PARP8: variants seen among roughly 807,000 people sequenced by gnomAD.
PARP8 encodes the protein protein mono-ADP-ribosyltransferase PARP8.
In PARP8, 51 loss-of-function variants were observed where a neutral mutation model predicts 124.1. That is an observed-to-expected ratio of 0.41 (90% CI 0.33 to 0.52). The LOEUF is 0.52. Ranked by LOEUF, PARP8 falls within the 20% of genes least tolerant of loss-of-function variation. PARP8 has a pLI of 0.21. For synonymous variants in PARP8, 391 were observed against 361.5 expected (o/e 1.08, Z -0.93); for missense variants, 860 against 1,018.9 (o/e 0.84, Z 2.12).
chr5:50,771,329 T>C (rs993823854), intron 7 of PARP8, among the ~76,000 whole-genome samples: 1 of 152,120 alleles, frequency 6.6e-6, no homozygotes, highest in Admixed American at 6.5e-5. Context: ...CTGGCTAATT[T>C]TGTATTTTCA....
chr5:50,842,275 G>A lies in PARP8; in HGVS notation c.*207G>A, dbSNP rs1748259072. ...ATCAATTGTAGGGTTATGGAATCTA[G>A]TAATAAAATTTCAACAGCACTTAAA... is the stretch of plus-strand genomic sequence containing the variant. On this transcript the variant is annotated 3_prime_UTR_variant, in exon 26 of 26. Transcript: ENST00000281631. 1 of 370,570 alleles carries A rather than the reference G, an allele frequency of 2.7e-6. No homozygotes were observed. The highest frequency in any genetic ancestry group is 2.2e-5 in the African/African-American group (1 of 46,188). 23.0% of individuals were successfully genotyped at this position (370,570 alleles called of 1,614,324 possible).
intron 2 of PARP8, among the ~76,000 whole-genome samples, chr5:50,702,515 A>G (rs1309642679): frequency 6.6e-6 from 1 of 152,192 alleles, no homozygotes; most frequent in Non-Finnish European, 1.5e-5. Context: ...TCTAAAAAGT[A>G]TTTGAAATTC....
chr5:50,696,941 C>A (rs1213835049), intron 2 of PARP8, among the ~76,000 whole-genome samples: 1 of 152,034 alleles, frequency 6.6e-6, no homozygotes, highest in Non-Finnish European at 1.5e-5. Context: ...TAGTGAGACC[C>A]AACAACAGCT....
Position 50,824,914 on chromosome 5 carries a change from T to C in PARP8, c.1867T>C (p.Tyr623His). ...TSIREMTQAP[Y>H]LEIKKQMDKQ... ...TATAATGACTTTTTTTCAGGCACCA[T>C]ATCTGGAAATCAAGAAGCAAATGGA... is the stretch of plus-strand genomic sequence containing the variant. Residue 623 changes from tyrosine to histidine, a missense_variant, in exon 18 of 26, where the codon TAT becomes CAT. Physicochemically the swap from Tyr to His is moderately conservative, Grantham distance 83 (BLOSUM62 2). Around this residue, in one of 2 missense-constraint regions of PARP8, gnomAD observed 343 missense variants for 474.7 expected, o/e 0.72. Transcript: ENST00000281631. 6.2e-7 allele frequency: 1 copy of C among 1,612,756 alleles called. No homozygotes were observed. Among genetic ancestry groups the C allele is most frequent in the Non-Finnish European group, 8.5e-7 (1 of 1,178,946 alleles).
intron 2 of PARP8, among the ~76,000 whole-genome samples, chr5:50,688,435 G>A (rs1752112945): frequency 6.6e-6 from 1 of 152,184 alleles, no homozygotes; most frequent in African/African-American, 2.4e-5. Flanking sequence ...AACTTCACAA[G>A]AGATAGAGAT....
At chr5:50,685,975 C>A (rs1022199902) in intron 2 of PARP8, among the ~76,000 whole-genome samples, 1 of 152,190 alleles carries the variant, frequency 6.6e-6, no homozygotes, top group Non-Finnish European at 1.5e-5. Flanking sequence ...ACAGCCAAAC[C>A]ATTCTGCCCT....
intron 9 of PARP8, among the ~76,000 whole-genome samples, chr5:50,784,796 A>G (rs1252601880): frequency 6.6e-6 from 1 of 152,030 alleles, no homozygotes; most frequent in Non-Finnish European, 1.5e-5. Flanking sequence ...TTTTTTGCTT[A>G]GGTCACTAAT....
rs1476114425 is a variant in PARP8 at position 50,842,154 on chromosome 5, T to G, written c.*86T>G. 3.3e-6 allele frequency: 3 copies of G among 915,178 alleles called. No homozygotes were observed. The South Asian group carries it at 5.0e-5, about 15-fold the overall frequency. The allele number at this position is 915,178 out of a possible 1,614,324, so 56.7% of individuals were successfully genotyped here. ...AACTGAAGAAGATTATAAAATTATT[T>G]ATTGTTATTATAAACAAAATTAACC... On this transcript the variant is annotated 3_prime_UTR_variant, in exon 26 of 26. Coordinates refer to ENST00000281631, the MANE Select transcript of PARP8 (RefSeq NM_024615.4).
At chr5:50,768,559 C>T (rs1761281122) in intron 7 of PARP8, among the ~76,000 whole-genome samples, 1 of 152,060 alleles carries the variant, frequency 6.6e-6, no homozygotes, top group South Asian at 2.1e-4. Context: ...AATTTGAATT[C>T]ATCAATTTGA....
In PARP8 at chr5:50,782,350, A is replaced by G. The variant is rs563180557; in HGVS notation, c.670+3700A>G. On this transcript the variant is annotated intron_variant, in intron 9 of 25. Transcript: ENST00000281631. ...TACTGGTTATGATTGTGTTTGTGCA[A>G]AAGTATTCACTCACATTACCATCTT... Among the ~76,000 whole-genome samples the G allele has an allele frequency of 2.0e-4, 30 of 152,298 alleles. 1 individual carries two copies. In the South Asian group the frequency reaches 2.1e-3, roughly 11 times the overall value.
chr5:50,833,354 C>G, intron 23 of PARP8: 1 of 437,670 alleles, frequency 2.3e-6, no homozygotes, highest in Non-Finnish European at 4.5e-6. Context: ...AGCCATGTGA[C>G]TCTCTAGGAG....
At chr5:50,808,299 A>G (rs1349729304) in intron 14 of PARP8, among the ~76,000 whole-genome samples, 1 of 151,836 alleles carries the variant, frequency 6.6e-6, no homozygotes, top group Admixed American at 6.6e-5. Flanking sequence ...CAGTGAGGCA[A>G]ATGGTTACAT....
chr5:50,822,312 A>G, intron 16 of PARP8, 23 bp from the exon 17 acceptor site: 3 of 1,563,924 alleles, frequency 1.9e-6, no homozygotes, highest in Non-Finnish European at 2.6e-6. Context: ...GCTGTTTTTT[A>G]ACATCACTTT....
intron 2 of PARP8, among the ~76,000 whole-genome samples, chr5:50,707,903 T>C (rs1445847375): frequency 1.3e-5 from 2 of 152,122 alleles, no homozygotes; most frequent in East Asian, 3.8e-4. Flanking sequence ...TGTTATATTA[T>C]TGAGTATTTA....
chr5:50,811,894 C>T (rs1417755825), intron 14 of PARP8, among the ~76,000 whole-genome samples: 4 of 152,150 alleles, frequency 2.6e-5, no homozygotes, highest in African/African-American at 9.7e-5. Context: ...CAGCTTCATC[C>T]ATGTTGCTAC....
chr5:50,672,557 G>C (rs550692655), intron 2 of PARP8, among the ~76,000 whole-genome samples: 119 of 152,264 alleles, frequency 7.8e-4, no homozygotes, highest in Middle Eastern at 3.4e-3. Context: ...CCACTTCTCT[G>C]GGTCACATGT....
intron 7 of PARP8, among the ~76,000 whole-genome samples, chr5:50,766,335 A>C (rs1761057357): frequency 1.3e-5 from 2 of 152,202 alleles, no homozygotes; most frequent in Admixed American, 6.5e-5. Context: ...TCTCATCTTG[A>C]ATCATTCAAC....
chr5:50,697,042 G>C (rs947073916), intron 2 of PARP8, among the ~76,000 whole-genome samples: 4 of 152,268 alleles, frequency 2.6e-5, no homozygotes, highest in Admixed American at 2.0e-4. Flanking sequence ...GCTGAGGCGG[G>C]TGGATCATGA....
chr5:50,716,013 A>G (rs1755274299), intron 2 of PARP8, among the ~76,000 whole-genome samples: 1 of 152,122 alleles, frequency 6.6e-6, no homozygotes, highest in South Asian at 2.1e-4. Context: ...AATAAAATTG[A>G]TGTTGTAGCA....
Sources: allele counts gnomAD v4.1 joint callset (sites outside exome capture counted in the v4.1 genomes callset), GRCh38; gene constraint gnomAD v4.1.1; regional missense constraint gnomAD v4.1.1; transcripts MANE v1.5; gene names NCBI Gene and HGNC (gene_info 2026-07-23, HGNC 2026-07-21).